NPFFR2: variants seen among roughly 807,000 people sequenced by gnomAD.
NPFFR2 encodes G-protein coupled receptor 74.
A neutral mutation model predicts 13.1 loss-of-function variants in NPFFR2; 15 were observed. That is an observed-to-expected ratio of 1.15 (90% CI 0.77 to 1.76). The LOEUF is 1.76. NPFFR2 is among the 40% of genes most tolerant of loss of function. NPFFR2 has a pLI of 0.00. For missense variants in NPFFR2, 572 were observed against 503.5 expected (o/e 1.14, Z -1.30); for synonymous variants, 190 against 175.7 (o/e 1.08, Z -0.65).
At chr4:72,146,863 A>G (rs1722795251) in intron 3 of NPFFR2, 115 bp from the exon 4 acceptor site, 8 of 695,476 alleles carry the variant, frequency 1.2e-5, no homozygotes, top group East Asian at 5.0e-5. Context: ...GTAACTTTCT[A>G]TATTTTTGAG....
At chr4:72,123,881 C>G (rs541582783) in intron 1 of NPFFR2, among the ~76,000 whole-genome samples, 84 of 152,294 alleles carry the variant, frequency 5.5e-4, no homozygotes, top group Non-Finnish European at 9.7e-4. Flanking sequence ...TCTCACCACT[C>G]CTATTCAACA....
chr4:72,130,647 C>T (rs984131429), intron 2 of NPFFR2, among the ~76,000 whole-genome samples: 10 of 152,126 alleles, frequency 6.6e-5, no homozygotes, highest in Admixed American at 3.3e-4. Flanking sequence ...ACTCTCAAGC[C>T]CCTTGTGGGA....
In NPFFR2 at chr4:72,074,056, G is replaced by T. The variant is rs554985691; in HGVS notation, c.-8+41856G>T. On this transcript the variant is annotated intron_variant, in intron 1 of 3. Coordinates refer to ENST00000308744, the MANE Select transcript of NPFFR2 (RefSeq NM_004885.3). ...CTTTCCATGGTTTCAGTTTCCCATA[G>T]TGAACTGCAGTTCAAAAATATTAAT... 1.8e-3 allele frequency among the ~76,000 whole-genome samples: 274 copies of T among 148,114 alleles called. 1 individual carries two copies. Among genetic ancestry groups the T allele is most frequent in the Non-Finnish European group, 3.5e-3 (232 of 66,542 alleles).
At chr4:72,121,265 C>T (rs1438565004) in intron 1 of NPFFR2, among the ~76,000 whole-genome samples, 1 of 152,024 alleles carries the variant, frequency 6.6e-6, no homozygotes, top group East Asian at 1.9e-4. Context: ...AAGACCAAAC[C>T]TTTGTTTGAC....
chr4:72,057,505 C>A (rs1000688302), intron 1 of NPFFR2, among the ~76,000 whole-genome samples: 1 of 151,952 alleles, frequency 6.6e-6, no homozygotes. Context: ...CTTCACATAA[C>A]CTTCTTTGTT....
chr4:72,051,311 A>G (rs1321265749), intron 1 of NPFFR2, among the ~76,000 whole-genome samples: 1 of 152,150 alleles, frequency 6.6e-6, no homozygotes, highest in African/African-American at 2.4e-5. Flanking sequence ...ACCACAGTGC[A>G]ATCAAACTAG....
chr4:72,119,672 A>G, intron 1 of NPFFR2, among the ~76,000 whole-genome samples: 1 of 152,138 alleles, frequency 6.6e-6, no homozygotes, highest in East Asian at 1.9e-4. Context: ...GGGAAGTGCA[A>G]GGGGTTTGGG....
intron 1 of NPFFR2, among the ~76,000 whole-genome samples, chr4:72,102,141 C>T: frequency 6.6e-6 from 1 of 151,912 alleles, no homozygotes; most frequent in East Asian, 1.9e-4. Flanking sequence ...GGTTTATTCT[C>T]CTTAATCATT....
intron 1 of NPFFR2, among the ~76,000 whole-genome samples, chr4:72,107,053 G>T (rs1721438833): frequency 6.6e-6 from 1 of 151,788 alleles, no homozygotes; most frequent in Non-Finnish European, 1.5e-5. Flanking sequence ...ACCACAGTGT[G>T]CCCAGGATTT....
chr4:72,132,216 A>G (rs34704268), intron 2 of NPFFR2, among the ~76,000 whole-genome samples: 4,803 of 151,202 alleles, frequency 0.032, 115 homozygotes, highest in Admixed American at 0.052. Flanking sequence ...CTATCTCATC[A>G]TTAGCTCCCA....
chr4:72,116,643 A>G (rs2109823860), intron 1 of NPFFR2, among the ~76,000 whole-genome samples: 1 of 152,338 alleles, frequency 6.6e-6, no homozygotes, highest in East Asian at 1.9e-4. Flanking sequence ...CACTGACACT[A>G]TAAAATTAAG....
chr4:72,042,310 A>G (rs1719243772), intron 1 of NPFFR2, among the ~76,000 whole-genome samples: 2 of 152,346 alleles, frequency 1.3e-5, no homozygotes, highest in South Asian at 2.1e-4. Context: ...CTGTGAGTCA[A>G]TTAAACCTGT....
chr4:72,136,682 C>T (rs1722423692), intron 2 of NPFFR2, among the ~76,000 whole-genome samples: 1 of 152,166 alleles, frequency 6.6e-6, no homozygotes, highest in Non-Finnish European at 1.5e-5. Flanking sequence ...TGCAGTGCAG[C>T]GGTATACTTT....
intron 1 of NPFFR2, among the ~76,000 whole-genome samples, chr4:72,084,390 A>T (rs771299747): frequency 6.6e-6 from 1 of 152,186 alleles, no homozygotes; most frequent in Non-Finnish European, 1.5e-5. Flanking sequence ...TTGGAAGGTG[A>T]TGAGACTGAA....
intron 3 of NPFFR2, chr4:72,146,740 T>C: frequency 2.2e-6 from 1 of 449,952 alleles, no homozygotes. Flanking sequence ...ATGTTCATTA[T>C]TACTTTTTAT....
chr4:72,093,183 T>G (rs1720961985), intron 1 of NPFFR2, among the ~76,000 whole-genome samples: 2 of 152,230 alleles, frequency 1.3e-5, no homozygotes, highest in Non-Finnish European at 2.9e-5. Flanking sequence ...TTGCAGGGTT[T>G]CTGCTGAGAA....
intron 1 of NPFFR2, among the ~76,000 whole-genome samples, chr4:72,066,922 T>C (rs1234440088): frequency 6.6e-6 from 1 of 152,162 alleles, no homozygotes; most frequent in Admixed American, 6.5e-5. Context: ...ATCTAGGCTC[T>C]CTGAGGTGGC....
At chr4:72,127,151 A>T (rs1204822779) in intron 1 of NPFFR2, among the ~76,000 whole-genome samples, 1 of 150,518 alleles carries the variant, frequency 6.6e-6, no homozygotes, top group African/African-American at 2.4e-5. Flanking sequence ...AAATACAAAA[A>T]AAATTCGCTG....
At chr4:72,048,302 T>G (rs536832030) in intron 1 of NPFFR2, among the ~76,000 whole-genome samples, 1 of 152,276 alleles carries the variant, frequency 6.6e-6, no homozygotes, top group South Asian at 2.1e-4. Context: ...ATTTCAGGAA[T>G]AGAGAATAAG....
Sources: allele counts gnomAD v4.1 joint callset (sites outside exome capture counted in the v4.1 genomes callset), GRCh38; gene constraint gnomAD v4.1.1; transcripts MANE v1.5; gene names NCBI Gene and HGNC (gene_info 2026-07-23, HGNC 2026-07-21).